Variants in ANKRD27 observed in about 807,000 individuals in gnomAD.
The protein encoded by ANKRD27 is ankyrin repeat domain 27.
Under a neutral mutation model 129.7 loss-of-function variants are expected in ANKRD27, and 112 were observed. The ratio of observed to expected loss-of-function variants is 0.86; its 90% CI spans 0.74 to 1.01. The LOEUF (loss-of-function observed/expected upper bound fraction) is 1.01, where lower values mean the gene tolerates loss of function less well. Ranked by LOEUF, ANKRD27 falls within the 50% of genes least tolerant of loss-of-function variation. The pLI, the probability that ANKRD27 is intolerant of heterozygous loss-of-function variation, is 0.00. For synonymous variants in ANKRD27, 516 were observed against 511.2 expected, an observed-to-expected ratio of 1.01 and a Z score of -0.13; for missense variants, 1,258 against 1,300.5, an observed-to-expected ratio of 0.97 and a Z score of 0.50.
chr19:32,647,821 T>C (rs552966938), intron 3 of ANKRD27, among the ~76,000 whole-genome samples: 18 of 152,172 alleles, frequency 1.2e-4, no homozygotes, highest in African/African-American at 4.1e-4. Flanking sequence ...ATGCAGGGAG[T>C]AGCAGGTGGG....
chr19:32,598,964 A>G (rs1187505766), intron 28 of ANKRD27, among the ~76,000 whole-genome samples: 1 of 152,174 alleles, frequency 6.6e-6, no homozygotes, highest in African/African-American at 2.4e-5. Context: ...CAGGTTTTCA[A>G]TCAAGCTTCT....
intron 26 of ANKRD27, 196 bp from the exon 27 acceptor site, chr19:32,600,246 T>C: frequency 4.3e-6 from 2 of 470,354 alleles, no homozygotes; most frequent in Non-Finnish European, 3.9e-6. Flanking sequence ...ATCTAAAGCC[T>C]AAAATGCCAC....
chr19:32,620,615 G>A (rs1394629405), intron 18 of ANKRD27, among the ~76,000 whole-genome samples: 2 of 151,162 alleles, frequency 1.3e-5, no homozygotes, highest in South Asian at 2.1e-4. Context: ...AAGCAGGGGC[G>A]GTGGCTCACA....
At chr19:32,619,217 C>G in intron 20 of ANKRD27, 43 bp downstream of exon 20, 1 of 1,589,568 alleles carries the variant, frequency 6.3e-7, no homozygotes, top group Non-Finnish European at 8.6e-7. Flanking sequence ...TGCCCAGGGC[C>G]GCCAAGGCCT....
rs535270464 is a variant in ANKRD27 at position 32,652,294 on chromosome 19, A to G, written c.103-2502T>C. ...CTTTAGAAAGAATTTTTTAAATCACAGTAATTAAAGAAAGGCCATGTGTGG... is the reference window on the plus strand; with the variant it reads ...CTTTAGAAAGAATTTTTTAAATCACGGTAATTAAAGAAAGGCCATGTGTGG... On this transcript the variant is annotated intron_variant, in intron 2 of 28. Transcript: ENST00000306065. 2.0e-5 allele frequency among the ~76,000 whole-genome samples: 3 copies of G among 152,330 alleles called. No individual in the cohort carries two copies. In the South Asian group the frequency reaches 6.2e-4, roughly 32 times the overall value.
chr19:32,661,220 T>TACACACACAC (rs71176143), intron 1 of ANKRD27, among the ~76,000 whole-genome samples: 1 of 43,466 alleles, frequency 2.3e-5, no homozygotes, highest in African/African-American at 4.6e-5. Flanking sequence ...AAAAAAATTA[T>TACACACACAC]ACACACACAC....
intron 28 of ANKRD27, 146 bp from the exon 29 acceptor site, chr19:32,598,524 CGTG>C (rs1971604645): frequency 2.8e-6 from 2 of 709,298 alleles, no homozygotes; most frequent in Non-Finnish European, 4.9e-6. Context: ...ACATCCCTGT[CGTG>C]GTAACATGGC....
intron 21 of ANKRD27, among the ~76,000 whole-genome samples, chr19:32,617,367 G>A (rs1217733907): frequency 6.6e-6 from 1 of 152,052 alleles, no homozygotes; most frequent in Non-Finnish European, 1.5e-5. Flanking sequence ...AATATAGCAA[G>A]ACCTTATCTC....
chr19:32,630,488 G>A (rs191929354), intron 13 of ANKRD27, among the ~76,000 whole-genome samples: 224 of 152,328 alleles, frequency 1.5e-3, no homozygotes, highest in African/African-American at 1.9e-3. Context: ...CGAGCCCAGC[G>A]GAGGCATCAG....
At chr19:32,630,193 A>G (rs977783644) in intron 13 of ANKRD27, among the ~76,000 whole-genome samples, 1 of 152,210 alleles carries the variant, frequency 6.6e-6, no homozygotes, top group Non-Finnish European at 1.5e-5. Context: ...AGGAAACCCC[A>G]TCAACACACA....
chr19:32,649,418 G>A (rs1157580404), intron 3 of ANKRD27, among the ~76,000 whole-genome samples: 1 of 151,484 alleles, frequency 6.6e-6, no homozygotes, highest in Non-Finnish European at 1.5e-5. Flanking sequence ...AGCGACACAC[G>A]GCAGAAACCC....
At chr19:32,669,084 T>C (rs1362254076) in intron 1 of ANKRD27, among the ~76,000 whole-genome samples, 1 of 152,170 alleles carries the variant, frequency 6.6e-6, no homozygotes, top group Non-Finnish European at 1.5e-5. Context: ...AGCGCTGGGA[T>C]TACAGCGTGA....
intron 22 of ANKRD27, among the ~76,000 whole-genome samples, chr19:32,609,241 C>G (rs1793298921): frequency 1.3e-5 from 2 of 152,008 alleles, no homozygotes; most frequent in African/African-American, 4.8e-5. Context: ...TAAGGTTAAA[C>G]ATATCCTTAC....
At chr19:32,656,058 GA>G (rs113775250) in intron 2 of ANKRD27, among the ~76,000 whole-genome samples, 3,782 of 27,240 alleles carry the variant, frequency 0.14, 126 homozygotes, top group African/African-American at 0.27. Context: ...AGAAAAGAAA[GA>G]AAAGAAAGAA....
intron 1 of ANKRD27, among the ~76,000 whole-genome samples, chr19:32,662,348 C>T (rs1951075790): frequency 7.0e-6 from 1 of 142,560 alleles, no homozygotes; most frequent in Admixed American, 7.0e-5. Context: ...GAAGTAGACT[C>T]ATTTCCGCAG....
chr19:32,639,325 A>G (rs368540511), intron 12 of ANKRD27, 31 bp downstream of exon 12: 1 of 1,613,500 alleles, frequency 6.2e-7, no homozygotes, highest in African/African-American at 1.3e-5. Context: ...GATGCCCACA[A>G]AGGAAGGCCA....
At chr19:32,657,645 G>A (rs1967568007) in intron 2 of ANKRD27, among the ~76,000 whole-genome samples, 1 of 150,794 alleles carries the variant, frequency 6.6e-6, no homozygotes, top group African/African-American at 2.4e-5. Context: ...AAGAAACCCA[G>A]TTTCTGATGG....
At chr19:32,631,025 T>C (rs1039568142) in intron 13 of ANKRD27, among the ~76,000 whole-genome samples, 1 of 151,920 alleles carries the variant, frequency 6.6e-6, no homozygotes, top group Non-Finnish European at 1.5e-5. Context: ...CCTGATCATT[T>C]TTTTTTTCTT....
At chr19:32,672,861 C>T (rs550486729) in intron 1 of ANKRD27, 2 of 152,540 alleles carry the variant, frequency 1.3e-5, no homozygotes, top group South Asian at 4.1e-4. Flanking sequence ...GGAGAATCAA[C>T]CTCAGGACAA....
Sources: allele counts gnomAD v4.1 joint callset (sites outside exome capture counted in the v4.1 genomes callset), GRCh38; gene constraint gnomAD v4.1.1; transcripts MANE v1.5; gene names NCBI Gene and HGNC (gene_info 2026-07-23, HGNC 2026-07-21).